MTMR3: variants seen among roughly 807,000 people sequenced by gnomAD.
MTMR3 encodes the protein myotubularin related protein 3.
A neutral mutation model predicts 132.4 loss-of-function variants in MTMR3; 32 were observed. The observed-to-expected ratio is 0.24, with a 90% CI of 0.18 to 0.32. The LOEUF is 0.32. Ranked by LOEUF, MTMR3 falls within the 10% of genes least tolerant of loss-of-function variation. The probability of loss-of-function intolerance (pLI) is 1.00; values close to 1 mark genes in which losing one functional copy is unlikely to be tolerated. For missense variants in MTMR3, 1,216 were observed against 1,489.6 expected (o/e 0.82, Z 3.02); for synonymous variants, 556 against 550.3 (o/e 1.01, Z -0.14).
rs1602533546 is a variant in MTMR3, at chr22:29,946,021, T to TGTGTGTGTGTG, written c.-137-11015_-137-11014insGTGTGTGTGTG. ...AAAACTTGTGTGTGTGTGTATATAT[T>TGTGTGTGTGTG]TGTGTGTGTGTGTGTGTAAGGTAAT... On this transcript the variant is annotated intron_variant, in intron 1 of 19. Transcript: ENST00000401950. Among the ~76,000 whole-genome samples the TGTGTGTGTGTG allele has an allele frequency of 4.2e-3, 635 of 150,890 alleles. 6 individuals are homozygous for TGTGTGTGTGTG. Among genetic ancestry groups the TGTGTGTGTGTG allele is most frequent in the African/African-American group, 0.015 (600 of 41,196 alleles).
Position 29,969,296 on chromosome 22 carries a change from C to G in MTMR3, c.-84-1680C>G, listed in dbSNP as rs544434017. ...TGCTTCCGGTTGCTGACACAAAAAGCTTGACTTCTCTTTTTCTATCCTATT... is the reference window on the plus strand; with the variant it reads ...TGCTTCCGGTTGCTGACACAAAAAGGTTGACTTCTCTTTTTCTATCCTATT... On this transcript the variant is annotated intron_variant, in intron 2 of 19. Coordinates refer to ENST00000401950, the MANE Select transcript of MTMR3 (RefSeq NM_021090.4). Among the ~76,000 whole-genome samples the G allele has an allele frequency of 3.3e-5, 5 of 152,254 alleles. No homozygotes were observed. The South Asian group carries it at 1.0e-3, about 32-fold the overall frequency.
rs755177827 is a variant in MTMR3 at position 29,991,688 on chromosome 22, G to C, written c.460+18G>C. ...CAGACCAGGTACGCCTTTCTGAAAT[G>C]TGCAAATGGCCAGGGGCTTTATCAA... On this transcript the variant is annotated intron_variant, in intron 7 of 19. Coordinates refer to ENST00000401950, the MANE Select transcript of MTMR3 (RefSeq NM_021090.4). The C allele has an allele frequency of 2.6e-6, 4 of 1,566,354 alleles. No individual in the cohort carries two copies. In the African/African-American group the frequency reaches 4.1e-5, roughly 16 times the overall value.
intron 1 of MTMR3, among the ~76,000 whole-genome samples, chr22:29,894,856 C>A (rs1169954710): frequency 1.3e-5 from 2 of 152,080 alleles, no homozygotes; most frequent in African/African-American, 4.8e-5. Flanking sequence ...TAACATAATT[C>A]AAAAAGGTTA....
intron 1 of MTMR3, among the ~76,000 whole-genome samples, chr22:29,919,339 A>C (rs149882504): frequency 4.3e-4 from 66 of 152,244 alleles, no homozygotes; most frequent in African/African-American, 1.5e-3. Context: ...TGGATTTCTC[A>C]CGTATCTGGT....
intron 1 of MTMR3, among the ~76,000 whole-genome samples, chr22:29,914,007 C>T (rs2065263809): frequency 6.6e-6 from 1 of 152,144 alleles, no homozygotes. Context: ...ACCTCAACCT[C>T]CCAAAGTGCT....
intron 3 of MTMR3, among the ~76,000 whole-genome samples, chr22:29,971,898 A>G (rs921825614): frequency 1.3e-5 from 2 of 152,348 alleles, no homozygotes; most frequent in Non-Finnish European, 1.5e-5. Flanking sequence ...CCTAGATCCA[A>G]ACTGTTTTAT....
intron 1 of MTMR3, among the ~76,000 whole-genome samples, chr22:29,893,824 C>T (rs1487102302): frequency 2.0e-5 from 3 of 151,890 alleles, no homozygotes; most frequent in South Asian, 2.1e-4. Context: ...TACTTTTATA[C>T]GTAGGAAAAA....
At chr22:29,988,348 C>A in intron 5 of MTMR3, 132 bp from the exon 6 acceptor site, 1 of 521,046 alleles carries the variant, frequency 1.9e-6, no homozygotes, top group East Asian at 3.1e-5. Flanking sequence ...ACTGTTGATC[C>A]AGATAAGTTT....
In MTMR3 at chr22:29,976,334, A is replaced by G. The variant is rs1309833245; in HGVS notation, c.4-2108A>G. ...GTGTCTTTTGGAAAAAAGACCTGCC[A>G]AATGTCCAAGTCTGCATTACCATAG... On this transcript the variant is annotated intron_variant, in intron 3 of 19. Transcript: ENST00000401950. 4.6e-5 allele frequency among the ~76,000 whole-genome samples: 7 copies of G among 152,234 alleles called. No individual in the cohort carries two copies. In the South Asian group the frequency reaches 1.2e-3, roughly 27 times the overall value.
At position 29,942,751 on chromosome 22, in the gene MTMR3, C is replaced by T. The variant is rs148825177; in HGVS notation, c.-137-14285C>T. ...TATGGCTCTGTTCCATCCGGCTCAC[C>T]GGCAGTCAGAGTTTAAGGTTATCTC... On this transcript the variant is annotated intron_variant, in intron 1 of 19. Coordinates refer to ENST00000401950, the MANE Select transcript of MTMR3 (RefSeq NM_021090.4). 4.5e-3 allele frequency among the ~76,000 whole-genome samples: 693 copies of T among 152,308 alleles called. 6 individuals are homozygous for T. The highest frequency in any genetic ancestry group is 0.016 in the African/African-American group (647 of 41,552).
At chr22:29,954,484 C>T (rs1034162589) in intron 1 of MTMR3, among the ~76,000 whole-genome samples, 4 of 152,050 alleles carry the variant, frequency 2.6e-5, no homozygotes, top group African/African-American at 9.7e-5. Flanking sequence ...TCTAACCAAG[C>T]AGATGTTTGA....
At chr22:29,917,346 G>A (rs2065328065) in intron 1 of MTMR3, among the ~76,000 whole-genome samples, 1 of 152,108 alleles carries the variant, frequency 6.6e-6, no homozygotes. Flanking sequence ...TTTAAAAATT[G>A]CACCAGAGGA....
intron 3 of MTMR3, among the ~76,000 whole-genome samples, chr22:29,972,156 T>C (rs921773517): frequency 9.2e-5 from 14 of 152,314 alleles, no homozygotes; most frequent in African/African-American, 3.4e-4. Context: ...TTCCTGTTAT[T>C]TTCTTGATTA....
intron 19 of MTMR3, 22 bp downstream of exon 19, chr22:30,022,719 A>T: frequency 6.3e-7 from 1 of 1,594,214 alleles, no homozygotes; most frequent in Non-Finnish European, 8.5e-7. Flanking sequence ...GGGCTGTGGT[A>T]GGGTGGGCTG....
rs185621351 is a variant in MTMR3, at chr22:29,895,212, A to G, written c.-138+11853A>G. On this transcript the variant is annotated intron_variant, in intron 1 of 19. Coordinates refer to ENST00000401950, the MANE Select transcript of MTMR3 (RefSeq NM_021090.4). ...GACAGAGGGAGACTCCATCTCAAAA[A>G]AAAAAGTTGAAGAGCAGTTGAAATA... is the stretch of plus-strand genomic sequence containing the variant. Among the ~76,000 whole-genome samples the G allele has an allele frequency of 4.5e-3, 681 of 152,336 alleles. 6 individuals are homozygous for G. The highest frequency in any genetic ancestry group is 0.015 in the African/African-American group (643 of 41,564).
chr22:29,990,474 G>C (rs949167322), intron 6 of MTMR3: 6 of 152,148 alleles, frequency 3.9e-5, no homozygotes, highest in African/African-American at 1.4e-4. Flanking sequence ...GCTTATTTTT[G>C]ATAGATACTG....
At position 30,029,979 on chromosome 22, in the gene MTMR3, G is replaced by C. The variant is rs558662228; in HGVS notation, c.*4178G>C. 5 of 152,408 alleles carry C rather than the reference G, an allele frequency of 3.3e-5. No homozygotes were observed. Among genetic ancestry groups the C allele is most frequent in the African/African-American group, 1.2e-4 (5 of 41,554 alleles). The allele number at this position is 152,408 out of a possible 1,614,324, so 9.4% of individuals were successfully genotyped here. ...CCTCTGACACTTAAACACGAGTCCT[G>C]CTGTCCCCAGCACACAACTGCACTG... On this transcript the variant is annotated 3_prime_UTR_variant, in exon 20 of 20. Transcript: ENST00000401950.
At chr22:29,912,511 A>G (rs1024129787) in intron 1 of MTMR3, among the ~76,000 whole-genome samples, 1 of 152,154 alleles carries the variant, frequency 6.6e-6, no homozygotes. Context: ...CTAGAACTCA[A>G]GCGATCCTCC....
chr22:29,930,526 C>T (rs570292298), intron 1 of MTMR3, among the ~76,000 whole-genome samples: 1 of 152,084 alleles, frequency 6.6e-6, no homozygotes, highest in South Asian at 2.1e-4. Flanking sequence ...ATGGCGAAAC[C>T]CTGTCTCTAC....
Sources: gnomAD v4.1 joint callset for allele counts (sites outside exome capture counted in the v4.1 genomes callset) on GRCh38, gnomAD v4.1.1 for gene constraint, MANE v1.5 for transcripts, NCBI Gene and HGNC (gene_info 2026-07-23, HGNC 2026-07-21) for gene names.